The following ADGRV1 variants were observed in gnomAD, a reference collection of about 807,000 sequenced individuals.
The protein encoded by ADGRV1 is adhesion G protein-coupled receptor V1.
ADGRV1 carries 359 observed loss-of-function variants against 596.2 expected under a neutral mutation model. The ratio of observed to expected loss-of-function variants is 0.60; its 90% CI spans 0.55 to 0.66. ADGRV1 has a LOEUF of 0.66. Among genes scored for constraint, ADGRV1 ranks in the 30% least tolerant of loss-of-function variants. The pLI, the probability that ADGRV1 is intolerant of heterozygous loss-of-function variation, is 0.00. For missense variants in ADGRV1, 7,274 were observed against 7,575.6 expected, an observed-to-expected ratio of 0.96 and a Z score of 1.48; for synonymous variants, 2,681 against 2,679.2, an observed-to-expected ratio of 1.00 and a Z score of -0.02.
chr5:90,976,802 A>G (rs1170482667), intron 84 of ADGRV1, among the ~76,000 whole-genome samples: 1 of 152,214 alleles, frequency 6.6e-6, no homozygotes, highest in Non-Finnish European at 1.5e-5. Flanking sequence ...TGAAAGATAT[A>G]CAACCCTTGC....
At chr5:90,661,056 G>A (rs1227809730) in intron 21 of ADGRV1, among the ~76,000 whole-genome samples, 1 of 152,138 alleles carries the variant, frequency 6.6e-6, no homozygotes, top group African/African-American at 2.4e-5. Flanking sequence ...ATTCCAAGTG[G>A]GATCTGTATT....
intron 84 of ADGRV1, among the ~76,000 whole-genome samples, chr5:90,971,904 G>A (rs1779063558): frequency 6.6e-6 from 1 of 152,124 alleles, no homozygotes; most frequent in Admixed American, 6.5e-5. Flanking sequence ...GACACAGACT[G>A]GCAAATTGGA....
chr5:90,903,674 T>C (rs1273664760), intron 83 of ADGRV1, among the ~76,000 whole-genome samples: 1 of 152,022 alleles, frequency 6.6e-6, no homozygotes, highest in Admixed American at 6.6e-5. Context: ...ACACAGTACG[T>C]GACATGTTTT....
intron 85 of ADGRV1, among the ~76,000 whole-genome samples, chr5:91,005,043 G>T (rs1247675384): frequency 1.3e-5 from 2 of 151,916 alleles, no homozygotes; most frequent in African/African-American, 4.8e-5. Context: ...TTAAATTGTT[G>T]TTAAATGCAC....
chr5:90,990,475 A>C (rs1780869005), intron 85 of ADGRV1, among the ~76,000 whole-genome samples: 1 of 152,152 alleles, frequency 6.6e-6, no homozygotes, highest in Non-Finnish European at 1.5e-5. Flanking sequence ...AGGCCTTAAC[A>C]ATGCACCGTT....
chr5:90,767,477 G>A (rs754002756), intron 59 of ADGRV1, among the ~76,000 whole-genome samples: 5 of 152,052 alleles, frequency 3.3e-5, no homozygotes, highest in Non-Finnish European at 7.4e-5. Flanking sequence ...AAAATTGTAA[G>A]AGACTATATA....
chr5:91,040,575 A>C lies in ADGRV1; in HGVS notation c.18153-31872A>C, dbSNP rs528024910. Among the ~76,000 whole-genome samples, 24 of 152,306 alleles carry C rather than the reference A, an allele frequency of 1.6e-4. No homozygotes were observed. In the East Asian group the frequency reaches 3.7e-3, roughly 23 times the overall value. On this transcript the variant is annotated intron_variant, in intron 85 of 89. Transcript: ENST00000405460. The stretch of plus-strand genomic sequence containing the variant: ...GATCTGCTTAACAAATATTACGTTT[A>C]TATTAGGTGGTATCATCATACATAC...
intron 84 of ADGRV1, among the ~76,000 whole-genome samples, chr5:90,974,254 T>G (rs555086763): frequency 6.6e-6 from 1 of 150,528 alleles, no homozygotes; most frequent in African/African-American, 2.5e-5. Flanking sequence ...GAATCAATAT[T>G]GTAAAAATGG....
chr5:90,588,663 C>T (rs1472250020), intron 1 of ADGRV1, among the ~76,000 whole-genome samples: 2 of 152,184 alleles, frequency 1.3e-5, no homozygotes, highest in African/African-American at 4.8e-5. Context: ...CAGGAAGCCA[C>T]AGGAAAACGT....
intron 34 of ADGRV1, among the ~76,000 whole-genome samples, chr5:90,702,859 A>G (rs1055914160): frequency 6.6e-6 from 1 of 151,966 alleles, no homozygotes. Flanking sequence ...ATAATTTTTT[A>G]GTGATACAGT....
chr5:90,754,720 A>G (rs905365962), intron 54 of ADGRV1, among the ~76,000 whole-genome samples: 1 of 152,178 alleles, frequency 6.6e-6, no homozygotes, highest in African/African-American at 2.4e-5. Flanking sequence ...CATGTGCAAC[A>G]TAGGAGGGTG....
intron 85 of ADGRV1, among the ~76,000 whole-genome samples, chr5:91,058,438 C>G (rs1188967634): frequency 6.7e-6 from 1 of 150,342 alleles, no homozygotes; most frequent in African/African-American, 2.4e-5. Context: ...CCTCCCTCTT[C>G]CATAAAATCG....
intron 85 of ADGRV1, among the ~76,000 whole-genome samples, chr5:91,038,143 G>C (rs1785057323): frequency 6.6e-6 from 1 of 152,128 alleles, no homozygotes; most frequent in South Asian, 2.1e-4. Flanking sequence ...GGAATTGTCA[G>C]GTGAAGAGTA....
In ADGRV1 at chr5:90,884,684, T is replaced by C. The variant is rs191641962; in HGVS notation, c.17856+20827T>C. Among the ~76,000 whole-genome samples the C allele has an allele frequency of 3.9e-5, 6 of 152,296 alleles. No homozygotes were observed. The East Asian group carries it at 1.2e-3, about 29-fold the overall frequency. ...CTCGAACCAAACTACTAGTTTCAAC[T>C]TTTTGTAAAAACTAGACCCCACATT... On this transcript the variant is annotated intron_variant, in intron 83 of 89. Coordinates refer to ENST00000405460, the MANE Select transcript of ADGRV1 (RefSeq NM_032119.4).
rs13357168 is a variant in ADGRV1 at position 91,053,963 on chromosome 5, T to C, written c.18153-18484T>C. Among the ~76,000 whole-genome samples the C allele has an allele frequency of 1.1e-3, 162 of 152,292 alleles. 1 individual carries two copies. Among genetic ancestry groups the C allele is most frequent in the African/African-American group, 3.6e-3 (150 of 41,558 alleles). On this transcript the variant is annotated intron_variant, in intron 85 of 89. Coordinates refer to ENST00000405460, the MANE Select transcript of ADGRV1 (RefSeq NM_032119.4). ...ATAGCAGTCATGTAGAAGTCAGTAGTGGGTTTTCCGTTAGCATAAGATCAA... is the reference window on the plus strand; with the variant it reads ...ATAGCAGTCATGTAGAAGTCAGTAGCGGGTTTTCCGTTAGCATAAGATCAA...
intron 83 of ADGRV1, among the ~76,000 whole-genome samples, chr5:90,938,992 G>T (rs187199835): frequency 2.6e-5 from 4 of 152,216 alleles, no homozygotes; most frequent in Admixed American, 6.5e-5. Context: ...AATCTATGCT[G>T]GTGGAAGACT....
At chr5:90,570,587 A>G (rs1347977854) in intron 1 of ADGRV1, among the ~76,000 whole-genome samples, 1 of 152,134 alleles carries the variant, frequency 6.6e-6, no homozygotes, top group Non-Finnish European at 1.5e-5. Flanking sequence ...GTGGAGTCCT[A>G]TAGGACTCTG....
intron 68 of ADGRV1, among the ~76,000 whole-genome samples, chr5:90,789,432 T>A (rs2150128293): frequency 6.6e-6 from 1 of 152,316 alleles, no homozygotes; most frequent in East Asian, 1.9e-4. Flanking sequence ...AATTCAGGCA[T>A]CAAATTACTA....
At chr5:90,779,627 A>G (rs1440644710) in intron 64 of ADGRV1, 2 of 152,274 alleles carry the variant, frequency 1.3e-5, no homozygotes, top group Non-Finnish European at 2.9e-5. Context: ...TTTTCAAGGA[A>G]GATAATGAAT....
Sources: gnomAD v4.1 joint callset for allele counts (sites outside exome capture counted in the v4.1 genomes callset) on GRCh38, gnomAD v4.1.1 for gene constraint, MANE v1.5 for transcripts, NCBI Gene and HGNC (gene_info 2026-07-23, HGNC 2026-07-21) for gene names.